The following VCAN variants were observed in gnomAD, a reference collection of about 807,000 sequenced individuals.
VCAN encodes versican core protein.
In VCAN, 44 loss-of-function variants were observed where a neutral mutation model predicts 245.5. That is an observed-to-expected ratio of 0.18 (90% CI 0.14 to 0.23). The LOEUF (loss-of-function observed/expected upper bound fraction) is 0.23, where lower values mean the gene tolerates loss of function less well. Among genes scored for constraint, VCAN ranks in the 10% least tolerant of loss-of-function variants. The pLI is 1.00. For synonymous variants in VCAN, 1,413 were observed against 1,437.0 expected, an observed-to-expected ratio of 0.98 and a Z score of 0.38; for missense variants, 3,793 against 4,057.9, an observed-to-expected ratio of 0.93 and a Z score of 1.77.
At chr5:83,566,809 G>A (rs910544405) in intron 12 of VCAN, among the ~76,000 whole-genome samples, 1 of 152,138 alleles carries the variant, frequency 6.6e-6, no homozygotes, top group Admixed American at 6.5e-5. Flanking sequence ...GTTATTGTGA[G>A]ACAGAAATAA....
At chr5:83,511,361 A>G (rs1745649710) in intron 5 of VCAN, among the ~76,000 whole-genome samples, 1 of 151,906 alleles carries the variant, frequency 6.6e-6, no homozygotes, top group Non-Finnish European at 1.5e-5. Context: ...AAGTAAAACA[A>G]AGGCTTTATC....
At position 83,512,309 on chromosome 5, in the gene VCAN, C is replaced by T. The variant is rs776651168; in HGVS notation, c.955C>T (p.Leu319=). ...GGCCAGGGCCCAGTGTGGAGGTGGT[C>T]TACTTGGGGTGAGAACCCTGTATCG... ...TVARAQCGGG[L]LGVRTLYRFE... is the part of the protein sequence containing the mutation. The change falls in exon 6 of 15, where the codon CTA becomes TTA. Residue 319 remains leucine (L), a synonymous_variant. Transcript: ENST00000265077. The T allele has an allele frequency of 2.4e-5, 39 of 1,613,550 alleles. No individual in the cohort carries two copies. The highest frequency in any genetic ancestry group is 6.7e-5 in the Admixed American group (4 of 59,998).
At chr5:83,517,571 T>C (rs761701973) in intron 6 of VCAN, among the ~76,000 whole-genome samples, 4 of 152,164 alleles carry the variant, frequency 2.6e-5, no homozygotes, top group Non-Finnish European at 5.9e-5. Context: ...GGTTATGGAA[T>C]TTCAGAGGAT....
At chr5:83,486,968 A>T (rs1042792780) in intron 2 of VCAN, among the ~76,000 whole-genome samples, 1 of 152,196 alleles carries the variant, frequency 6.6e-6, no homozygotes, top group African/African-American at 2.4e-5. Flanking sequence ...CCAGTCACTG[A>T]TGAGGTCAAC....
At chr5:83,522,333 G>C in intron 7 of VCAN, 24 bp downstream of exon 7, 1 of 1,595,964 alleles carries the variant, frequency 6.3e-7, no homozygotes, top group Non-Finnish European at 8.5e-7. Context: ...TTCTAGACTA[G>C]CATTGAAGGC....
At chr5:83,573,170 T>C (rs1748353452) in intron 13 of VCAN, among the ~76,000 whole-genome samples, 2 of 152,156 alleles carry the variant, frequency 1.3e-5, no homozygotes, top group Admixed American at 1.3e-4. Context: ...AGTGCTGGGA[T>C]TACAGGCTTG....
At chr5:83,562,333 T>A (rs1241283857) in intron 12 of VCAN, 1 of 152,128 alleles carries the variant, frequency 6.6e-6, no homozygotes. Flanking sequence ...TTAATTTGAT[T>A]TGGAATCAAG....
chr5:83,527,262 G>A (rs767621279), intron 7 of VCAN, among the ~76,000 whole-genome samples: 6 of 152,198 alleles, frequency 3.9e-5, no homozygotes, highest in African/African-American at 9.7e-5. Context: ...GAAATTGGTA[G>A]TACGTTATTC....
chr5:83,568,496 G>T lies in VCAN; in HGVS notation c.9736-3920G>T, dbSNP rs554174991. ...AAAACAATTAAATCTTTTAACAGAG[G>T]CCTGAATCTGGGCAGTTTGAGCCCC... On this transcript the variant is annotated intron_variant, in intron 12 of 14. Coordinates refer to ENST00000265077, the MANE Select transcript of VCAN (RefSeq NM_004385.5). Among the ~76,000 whole-genome samples the T allele has an allele frequency of 2.0e-5, 3 of 152,254 alleles. No individual in the cohort carries two copies. The South Asian group carries it at 6.2e-4, about 32-fold the overall frequency.
chr5:83,582,007 G>A lies in VCAN; in HGVS notation c.*1573G>A, dbSNP rs1748692816. 6.6e-6 allele frequency: 1 copy of A among 152,028 alleles called. No individual in the cohort carries two copies. Among genetic ancestry groups the A allele is most frequent in the South Asian group, 2.1e-4 (1 of 4,826 alleles). The allele number at this position is 152,028 out of a possible 1,614,324, so 9.4% of individuals were successfully genotyped here. ...TATAAAACCTCCTTTGGCTTAGAAG[G>A]AATGACTCTAGCTACAATAATACAC... On this transcript the variant is annotated 3_prime_UTR_variant, in exon 15 of 15. Coordinates refer to ENST00000265077, the MANE Select transcript of VCAN (RefSeq NM_004385.5).
intron 7 of VCAN, among the ~76,000 whole-genome samples, chr5:83,524,694 C>T (rs1418786759): frequency 3.9e-5 from 6 of 152,054 alleles, no homozygotes; most frequent in Non-Finnish European, 7.4e-5. Flanking sequence ...AACTGCTCAC[C>T]TATACTAATA....
Position 83,519,719 on chromosome 5 carries a change from G to A in VCAN, c.1413G>A (p.Thr471=), listed in dbSNP as rs182822707. 4.6e-5 allele frequency: 75 copies of A among 1,614,100 alleles called. No individual in the cohort carries two copies. In the East Asian group the frequency reaches 1.1e-3, roughly 24 times the overall value. Residue 471 remains threonine, a synonymous_variant, in exon 7 of 15, where the codon ACG becomes ACA. Coordinates refer to ENST00000265077, the MANE Select transcript of VCAN (RefSeq NM_004385.5). ...CAACTGGCGTCTCTCATTATGCTAC[G>A]GATTCATGGGATGGTGTCGTGGAAG... The part of the protein sequence containing the change: ...QSTTGVSHYA[T]DSWDGVVEDK...
chr5:83,578,352 G>A (rs1026349641), intron 13 of VCAN, among the ~76,000 whole-genome samples: 4 of 151,958 alleles, frequency 2.6e-5, no homozygotes, highest in African/African-American at 9.7e-5. Flanking sequence ...ATGGGAGGAG[G>A]GAGAAGATTA....
rs62364883 is a variant in VCAN, at chr5:83,539,325, C to G, written c.6322C>G (p.Gln2108Glu). The G allele has an allele frequency of 3.1e-4, 502 of 1,613,912 alleles. 1 individual carries two copies. The highest frequency in any genetic ancestry group is 3.9e-4 in the Non-Finnish European group (459 of 1,179,994). ...TAGGCAAGAAGTCAACCCTGTAAGA[C>G]AAGAAATTGAAAGTGAAACAACATC... Reference protein sequence around the residue: ...WSRQEVNPVRQEIESETTSEE... With the variant: ...WSRQEVNPVREEIESETTSEE... The change falls in exon 8 of 15, where the codon CAA (glutamine) becomes GAA (glutamate). Residue 2108 changes from glutamine to glutamate, a missense_variant. By Grantham distance (29) the Gln-to-Glu change is conservative. Coordinates refer to ENST00000265077, the MANE Select transcript of VCAN (RefSeq NM_004385.5).
intron 5 of VCAN, among the ~76,000 whole-genome samples, chr5:83,499,586 C>A (rs1040355705): frequency 2.8e-5 from 4 of 141,678 alleles, no homozygotes; most frequent in Non-Finnish European, 5.9e-5. Flanking sequence ...CTTTGTATTT[C>A]TCCTCTCACT....
At chr5:83,526,008 C>T (rs1227004533) in intron 7 of VCAN, among the ~76,000 whole-genome samples, 2 of 151,670 alleles carry the variant, frequency 1.3e-5, no homozygotes, top group South Asian at 2.1e-4. Flanking sequence ...GGAGTGATCT[C>T]GGCTCACTGC....
chr5:83,478,943 T>G (rs1744494441), intron 1 of VCAN, among the ~76,000 whole-genome samples: 1 of 152,060 alleles, frequency 6.6e-6, no homozygotes, highest in Non-Finnish European at 1.5e-5. Context: ...CAGTATGTCT[T>G]AGGTAGAGTA....
chr5:83,520,755 T>A lies in VCAN; in HGVS notation c.2449T>A (p.Ser817Thr), dbSNP rs146751724. Residue 817 changes from serine to threonine, a missense_variant, in exon 7 of 15, where the codon TCT becomes ACT. Around this residue, in one of 5 missense-constraint regions of VCAN, gnomAD observed 3,182 missense variants for 3,250.3 expected, o/e 0.98. Coordinates refer to ENST00000265077, the MANE Select transcript of VCAN (RefSeq NM_004385.5). Reference protein sequence around the residue: ...EDNTTSKPLESTEPSASSKLP... With the variant: ...EDNTTSKPLETTEPSASSKLP... ...TAATACAACATCCAAGCCTTTAGAG[T>A]CTACAGAACCTTCAGCCTCTTCAAA... The A allele has an allele frequency of 1.9e-6, 3 of 1,613,994 alleles. No individual in the cohort carries two copies. The Admixed American group carries it at 5.0e-5, about 27-fold the overall frequency.
At chr5:83,483,680 G>C (rs1211271370) in intron 2 of VCAN, 92 bp downstream of exon 2, 15 of 1,220,330 alleles carry the variant, frequency 1.2e-5, no homozygotes, top group Non-Finnish European at 1.7e-5. Context: ...TGGAATAAAA[G>C]ATTGATTTTT....
Sources: allele counts gnomAD v4.1 joint callset (sites outside exome capture counted in the v4.1 genomes callset), GRCh38; gene constraint gnomAD v4.1.1; regional missense constraint gnomAD v4.1.1; transcripts MANE v1.5; gene names NCBI Gene and HGNC (gene_info 2026-07-23, HGNC 2026-07-21).